AIF1L: variants seen among roughly 807,000 people sequenced by gnomAD.
The protein encoded by AIF1L is allograft inflammatory factor 1 like.
Under a neutral mutation model 20.7 loss-of-function variants are expected in AIF1L, and 12 were observed. The observed-to-expected ratio is 0.58, with a 90% CI of 0.37 to 0.94. AIF1L has a LOEUF of 0.94. Among genes scored for constraint, AIF1L ranks in the 40% least tolerant of loss-of-function variants. The pLI is 0.01. For synonymous variants in AIF1L, 76 were observed against 65.1 expected, an observed-to-expected ratio of 1.17 and a Z score of -0.81; for missense variants, 173 against 185.3, an observed-to-expected ratio of 0.93 and a Z score of 0.39.
intron 5 of AIF1L, 74 bp downstream of exon 5, chr9:131,117,992 C>T: frequency 6.8e-7 from 1 of 1,469,170 alleles, no homozygotes; most frequent in Non-Finnish European, 9.1e-7. Context: ...TGGCTCTGGG[C>T]ACCCCAGCCA....
chr9:131,097,058 C>T (rs138816787), intron 2 of AIF1L, among the ~76,000 whole-genome samples, 195 bp downstream of exon 2: 33 of 152,348 alleles, frequency 2.2e-4, no homozygotes, highest in African/African-American at 7.7e-4. Context: ...CGCCTCCCGC[C>T]TCCGGTCTCG....
At chr9:131,098,556 G>T (rs1196242813) in intron 2 of AIF1L, among the ~76,000 whole-genome samples, 2 of 152,174 alleles carry the variant, frequency 1.3e-5, no homozygotes, top group African/African-American at 4.8e-5. Flanking sequence ...TGGAGATGGG[G>T]GTGAGGTGAC....
At chr9:131,112,737 G>A (rs966074789) in intron 3 of AIF1L, among the ~76,000 whole-genome samples, 1 of 152,156 alleles carries the variant, frequency 6.6e-6, no homozygotes, top group African/African-American at 2.4e-5. Flanking sequence ...ATGAAGAAGA[G>A]AGAAGGGAAA....
intron 4 of AIF1L, among the ~76,000 whole-genome samples, 191 bp from the exon 5 acceptor site, chr9:131,117,565 C>T (rs367900065): frequency 1.2e-4 from 18 of 152,174 alleles, no homozygotes; most frequent in East Asian, 7.7e-4. Flanking sequence ...CTCTAGAAGC[C>T]CAGGTCACTA....
intron 5 of AIF1L, among the ~76,000 whole-genome samples, chr9:131,119,506 GAA>G (rs10612336): frequency 0.035 from 4,971 of 140,280 alleles, 101 homozygotes; most frequent in African/African-American, 0.055. Context: ...TGTCTCAAAA[GAA>G]AAAAAAAAAA....
intron 2 of AIF1L, among the ~76,000 whole-genome samples, chr9:131,104,343 A>G (rs534482128): frequency 1.9e-4 from 29 of 151,958 alleles, no homozygotes; most frequent in African/African-American, 6.8e-4. Context: ...AGAATAAACC[A>G]CCTACCCCCA....
At chr9:131,106,598 C>A (rs970154329) in intron 2 of AIF1L, among the ~76,000 whole-genome samples, 3 of 151,418 alleles carry the variant, frequency 2.0e-5, no homozygotes. Flanking sequence ...GCCTGGGCAA[C>A]AGAGGGAGAC....
chr9:131,116,198 A>G (rs914779887), intron 4 of AIF1L, among the ~76,000 whole-genome samples: 14 of 152,156 alleles, frequency 9.2e-5, no homozygotes, highest in Admixed American at 3.3e-4. Context: ...ATAACTTTCT[A>G]TTGGTCAGCC....
At chr9:131,103,320 A>C (rs1484820210) in intron 2 of AIF1L, among the ~76,000 whole-genome samples, 2 of 152,222 alleles carry the variant, frequency 1.3e-5, no homozygotes, top group African/African-American at 4.8e-5. Flanking sequence ...CCAGTGGGCC[A>C]AGACTTGCCA....
chr9:131,107,216 C>T (rs938421819), intron 2 of AIF1L, among the ~76,000 whole-genome samples: 2 of 152,238 alleles, frequency 1.3e-5, no homozygotes, highest in African/African-American at 4.8e-5. Context: ...GTGCAGGGTG[C>T]AGCCCAGGGC....
At chr9:131,109,554 C>T (rs977495927) in intron 2 of AIF1L, among the ~76,000 whole-genome samples, 4 of 151,704 alleles carry the variant, frequency 2.6e-5, no homozygotes, top group Admixed American at 6.6e-5. Context: ...AGCGAGACTC[C>T]GTCTCAAAAA....
At chr9:131,103,181 C>T (rs113379274) in intron 2 of AIF1L, among the ~76,000 whole-genome samples, 2,161 of 152,256 alleles carry the variant, frequency 0.014, 44 homozygotes, top group African/African-American at 0.046. Context: ...CTGTAGGTGA[C>T]CAGGAAAGGC....
intron 4 of AIF1L, among the ~76,000 whole-genome samples, chr9:131,117,195 C>T (rs773407630): frequency 3.3e-5 from 5 of 152,156 alleles, no homozygotes; most frequent in South Asian, 2.1e-4. Flanking sequence ...CCCTTCCAGC[C>T]GGGGCAGAGC....
intron 2 of AIF1L, among the ~76,000 whole-genome samples, chr9:131,106,659 C>T (rs936128424): frequency 1.3e-5 from 2 of 152,092 alleles, no homozygotes; most frequent in South Asian, 2.1e-4. Context: ...GGCATACACC[C>T]GTAGTTCTAG....
chr9:131,121,112 G>A lies in AIF1L; in HGVS notation c.*790G>A, dbSNP rs1199203771. On this transcript the variant is annotated 3_prime_UTR_variant, in exon 6 of 6. Transcript: ENST00000247291. ...GCTCAGTGCTGTTCCACCTTTTAGG[G>A]AGGTTACTGAGGGGACCAGGATGGG... 1.4e-6 allele frequency: 1 copy of A among 715,038 alleles called. No homozygotes were observed. The highest frequency in any genetic ancestry group is 2.7e-5 in the East Asian group (1 of 37,268). 44.3% of individuals were successfully genotyped at this position (715,038 alleles called of 1,614,324 possible).
rs1349299800 is a variant in AIF1L, at chr9:131,122,408, C to G, written c.*2086C>G. ...ACACAGGCCTAGTTGAAGTTTAAAC[C>G]CCAGCAAAACATTCCTCCCTGTAAA... On this transcript the variant is annotated 3_prime_UTR_variant, in exon 6 of 6. Transcript: ENST00000247291. 6.6e-6 allele frequency: 1 copy of G among 152,426 alleles called. No homozygotes were observed. Among genetic ancestry groups the G allele is most frequent in the African/African-American group, 2.4e-5 (1 of 41,422 alleles). The allele number at this position is 152,426 out of a possible 1,614,324, so 9.4% of individuals were successfully genotyped here. A position where few individuals can be genotyped will look rare whatever the true frequency, so the allele number is the denominator to read the frequency against.
chr9:131,111,660 A>C lies in AIF1L; in HGVS notation c.157A>C (p.Lys53Gln). The C allele has an allele frequency of 6.2e-7, 1 of 1,613,976 alleles. No individual in the cohort carries two copies. The change falls in exon 3 of 6, where the codon AAA (lysine) becomes CAA (glutamine). Residue 53 changes from lysine to glutamine, a missense_variant. By Grantham distance (53) the Lys-to-Gln change is moderately conservative (BLOSUM62 1). Coordinates refer to ENST00000247291, the MANE Select transcript of AIF1L (RefSeq NM_031426.4). Reference sequence around the variant, plus strand: ...CCTTCCAGAAAAGCTCACAGCCTTCAAAGGTAAGCTGGGGCGGGCTGCCCT... The same window carrying C: ...CCTTCCAGAAAAGCTCACAGCCTTCCAAGGTAAGCTGGGGCGGGCTGCCCT... The part of the protein sequence containing the change: ...ENLPEKLTAF[K>Q]EKYMEFDLNN...
At chr9:131,103,685 T>G (rs977671437) in intron 2 of AIF1L, among the ~76,000 whole-genome samples, 24 of 152,100 alleles carry the variant, frequency 1.6e-4, no homozygotes, top group Non-Finnish European at 1.6e-4. Flanking sequence ...TTACAGCAAC[T>G]CAGTGAGGAG....
chr9:131,115,449 CA>C (rs746698091), intron 4 of AIF1L, among the ~76,000 whole-genome samples: 1,994 of 60,282 alleles, frequency 0.033, 8 homozygotes, highest in African/African-American at 0.13. Flanking sequence ...GATTCTGTCT[CA>C]AAAAAAAAAA....
Sources: gnomAD v4.1 joint callset for allele counts (sites outside exome capture counted in the v4.1 genomes callset) on GRCh38, gnomAD v4.1.1 for gene constraint, MANE v1.5 for transcripts, NCBI Gene and HGNC (gene_info 2026-07-23, HGNC 2026-07-21) for gene names.